Variants in PCCA observed in about 807,000 individuals in gnomAD.
PCCA encodes propionyl-CoA carboxylase alpha chain, mitochondrial.
In PCCA, 74 loss-of-function variants were observed where a neutral mutation model predicts 101.3. The ratio of observed to expected loss-of-function variants is 0.73; its 90% CI spans 0.61 to 0.89. The LOEUF is 0.89. Among genes scored for constraint, PCCA ranks in the 40% least tolerant of loss-of-function variants. The pLI is 0.00. For missense variants in PCCA, 891 were observed against 907.0 expected, an observed-to-expected ratio of 0.98 and a Z score of 0.23; for synonymous variants, 294 against 313.6, an observed-to-expected ratio of 0.94 and a Z score of 0.66.
chr13:100,217,841 C>T (rs1401228380), intron 7 of PCCA, among the ~76,000 whole-genome samples: 1 of 148,592 alleles, frequency 6.7e-6, no homozygotes, highest in Admixed American at 6.8e-5. Flanking sequence ...GAATATACCA[C>T]TTAAAAAAAT....
intron 8 of PCCA, among the ~76,000 whole-genome samples, chr13:100,244,185 G>T (rs1216849593): frequency 6.6e-6 from 1 of 152,162 alleles, no homozygotes; most frequent in Non-Finnish European, 1.5e-5. Context: ...TTATGTTAAA[G>T]AAAATGGCAT....
chr13:100,468,478 G>C (rs2082711643), intron 21 of PCCA, among the ~76,000 whole-genome samples: 1 of 152,202 alleles, frequency 6.6e-6, no homozygotes, highest in South Asian at 2.1e-4. Context: ...ACCTTCATCG[G>C]TGATCTTAAC....
chr13:100,273,161 C>T, intron 11 of PCCA, 35 bp from the exon 12 acceptor site: 1 of 1,577,416 alleles, frequency 6.3e-7, no homozygotes, highest in Non-Finnish European at 8.7e-7. Context: ...TGATTTTTGT[C>T]CGAAATGTAG....
intron 6 of PCCA, among the ~76,000 whole-genome samples, chr13:100,191,793 G>A (rs977908282): frequency 2.0e-5 from 3 of 152,222 alleles, no homozygotes; most frequent in Non-Finnish European, 4.4e-5. Context: ...CTACAACATT[G>A]TGAGAATATC....
rs150993259 is a variant in PCCA at position 100,188,699 on chromosome 13, A to C, written c.469-20633A>C. On this transcript the variant is annotated intron_variant, in intron 6 of 23. Coordinates refer to ENST00000376285, the MANE Select transcript of PCCA (RefSeq NM_000282.4). ...AGCAGTGTAAAAGTGTTCCCTTTTC[A>C]CCACATCCACGCCAACATCTAATAT... 5.3e-4 allele frequency among the ~76,000 whole-genome samples: 80 copies of C among 152,214 alleles called. No homozygotes were observed. In the East Asian group the frequency reaches 0.015, roughly 28 times the overall value.
chr13:100,436,613 A>T (rs773393937), intron 20 of PCCA, among the ~76,000 whole-genome samples: 3 of 152,204 alleles, frequency 2.0e-5, no homozygotes, highest in Non-Finnish European at 2.9e-5. Context: ...TCCAGACCCT[A>T]TTCTCCTGCC....
chr13:100,444,393 G>A (rs1413248563), intron 20 of PCCA, among the ~76,000 whole-genome samples: 4 of 143,602 alleles, frequency 2.8e-5, no homozygotes, highest in African/African-American at 7.7e-5. Context: ...TAGAAGAGAC[G>A]GGATTTCACC....
chr13:100,114,454 T>G (rs2048605278), intron 4 of PCCA, among the ~76,000 whole-genome samples: 1 of 152,072 alleles, frequency 6.6e-6, no homozygotes, highest in African/African-American at 2.4e-5. Flanking sequence ...AATACAAAAA[T>G]TAGCCGCGTG....
chr13:100,100,649 A>G (rs1032607596), intron 1 of PCCA, among the ~76,000 whole-genome samples: 3 of 152,296 alleles, frequency 2.0e-5, no homozygotes, highest in Non-Finnish European at 1.5e-5. Context: ...TTGACCTTCC[A>G]TGAATGTCTC....
chr13:100,146,005 C>G (rs952041392), intron 4 of PCCA, among the ~76,000 whole-genome samples: 3 of 149,588 alleles, frequency 2.0e-5, no homozygotes, highest in East Asian at 2.1e-4. Context: ...GGTGCAATCT[C>G]GGCAGCTCGC....
At chr13:100,199,533 T>C (rs2058343984) in intron 6 of PCCA, among the ~76,000 whole-genome samples, 1 of 152,226 alleles carries the variant, frequency 6.6e-6, no homozygotes, top group South Asian at 2.1e-4. Context: ...TCCCCCATTC[T>C]TGGTGTTTCC....
chr13:100,500,585 C>G (rs1006869231), intron 21 of PCCA, among the ~76,000 whole-genome samples: 1 of 152,138 alleles, frequency 6.6e-6, no homozygotes, highest in Admixed American at 6.5e-5. Context: ...TTAAAGAGAA[C>G]CTCTCTCCCA....
At chr13:100,468,341 AAG>A (rs1236186952) in intron 21 of PCCA, among the ~76,000 whole-genome samples, 1 of 152,188 alleles carries the variant, frequency 6.6e-6, no homozygotes, top group Non-Finnish European at 1.5e-5. Flanking sequence ...AGCCCTTAGC[AAG>A]AGAGTTGGCC....
At chr13:100,204,965 T>TA (rs1594721248) in intron 6 of PCCA, among the ~76,000 whole-genome samples, 1 of 152,024 alleles carries the variant, frequency 6.6e-6, no homozygotes, top group African/African-American at 2.4e-5. Context: ...TTTTTTTTTT[T>TA]AAATGAATCA....
At chr13:100,142,722 C>T (rs2052033687) in intron 4 of PCCA, among the ~76,000 whole-genome samples, 1 of 152,190 alleles carries the variant, frequency 6.6e-6, no homozygotes, top group Non-Finnish European at 1.5e-5. Flanking sequence ...GATCCACCCG[C>T]CTCGGCCTCC....
At chr13:100,129,028 A>G (rs2050235909) in intron 4 of PCCA, among the ~76,000 whole-genome samples, 1 of 152,246 alleles carries the variant, frequency 6.6e-6, no homozygotes, top group South Asian at 2.1e-4. Flanking sequence ...CTCTAGTTGA[A>G]TGTTTTACCA....
intron 1 of PCCA, among the ~76,000 whole-genome samples, chr13:100,101,913 T>C (rs1407770816): frequency 6.6e-6 from 1 of 152,186 alleles, no homozygotes; most frequent in Non-Finnish European, 1.5e-5. Flanking sequence ...CTTTAAAAAA[T>C]AGTTGTACAA....
At chr13:100,234,189 AG>A (rs2060649232) in intron 7 of PCCA, among the ~76,000 whole-genome samples, 2 of 152,186 alleles carry the variant, frequency 1.3e-5, no homozygotes, top group Admixed American at 1.3e-4. Flanking sequence ...TTCCTGACAG[AG>A]AGGCTATTAA....
intron 12 of PCCA, among the ~76,000 whole-genome samples, chr13:100,275,185 T>A (rs1298876390): frequency 6.6e-6 from 1 of 152,158 alleles, no homozygotes; most frequent in Non-Finnish European, 1.5e-5. Flanking sequence ...CATCCTGAGC[T>A]TGAGGGCTTG....
Sources: gnomAD v4.1 joint callset for allele counts (sites outside exome capture counted in the v4.1 genomes callset) on GRCh38, gnomAD v4.1.1 for gene constraint, MANE v1.5 for transcripts, NCBI Gene and HGNC (gene_info 2026-07-23, HGNC 2026-07-21) for gene names.